The following NOL4L variants were observed in gnomAD, a reference collection of about 807,000 sequenced individuals.
NOL4L encodes the protein nucleolar protein 4-like.
In NOL4L, 7 loss-of-function variants were observed where a neutral mutation model predicts 64.5. That is an observed-to-expected ratio of 0.11 (90% CI 0.06 to 0.20). NOL4L has a LOEUF of 0.20. NOL4L is among the 10% of genes least tolerant of loss of function. NOL4L has a pLI of 1.00. For synonymous variants in NOL4L, 413 were observed against 401.0 expected (o/e 1.03, Z -0.36); for missense variants, 680 against 967.1 (o/e 0.70, Z 3.94).
At chr20:32,483,939 G>A (rs2015924109) in intron 4 of NOL4L, among the ~76,000 whole-genome samples, 1 of 151,416 alleles carries the variant, frequency 6.6e-6, no homozygotes, top group Non-Finnish European at 1.5e-5. Context: ...AGGGGGAAGC[G>A]CTTCGAGGAA....
At chr20:32,477,761 C>T (rs907917046) in intron 4 of NOL4L, among the ~76,000 whole-genome samples, 11 of 152,250 alleles carry the variant, frequency 7.2e-5, no homozygotes, top group African/African-American at 2.2e-4. Flanking sequence ...AGCCACCCCA[C>T]ACACAGCCAG....
chr20:32,461,224 GCGA>G (rs1341842563), intron 5 of NOL4L, among the ~76,000 whole-genome samples: 11 of 152,118 alleles, frequency 7.2e-5, no homozygotes, highest in Non-Finnish European at 1.6e-4. Flanking sequence ...GGCCCTTCCA[GCGA>G]GCCCCTATGG....
At chr20:32,469,269 C>A (rs967595427) in intron 5 of NOL4L, among the ~76,000 whole-genome samples, 5 of 152,154 alleles carry the variant, frequency 3.3e-5, no homozygotes, top group Non-Finnish European at 7.3e-5. Flanking sequence ...GAAAATGAGG[C>A]TCTGGTTACT....
chr20:32,470,209 G>A (rs963573791), intron 5 of NOL4L, among the ~76,000 whole-genome samples: 1 of 152,242 alleles, frequency 6.6e-6, no homozygotes, highest in Non-Finnish European at 1.5e-5. Context: ...CCTTCTGGAG[G>A]CCAGACGGGC....
At chr20:32,561,706 C>T (rs940774176) in intron 1 of NOL4L, among the ~76,000 whole-genome samples, 1 of 152,190 alleles carries the variant, frequency 6.6e-6, no homozygotes, top group Non-Finnish European at 1.5e-5. Flanking sequence ...AGCATGGGCC[C>T]AAATCCCAGC....
rs754842331 is a variant in NOL4L, at chr20:32,456,124, G to A, written c.1113C>T (p.Thr371=). The change falls in exon 6 of 11, where the codon ACC becomes ACT. Residue 371 remains threonine, a synonymous_variant. Transcript: ENST00000621426. ...AGCCCCCAGCCCCACACACCTCGGGGGTGGTCTTCACCCCGTATTTGACGC... is the reference window on the plus strand; with the variant it reads ...AGCCCCCAGCCCCACACACCTCGGGAGTGGTCTTCACCCCGTATTTGACGC... ...RSRVKYGVKT[T]PESPPYSSGS... is the part of the protein sequence containing the mutation. The A allele has an allele frequency of 2.0e-6, 3 of 1,530,022 alleles. No homozygotes were observed. The highest frequency in any genetic ancestry group is 4.8e-5 in the East Asian group (2 of 41,592). 94.8% of individuals were successfully genotyped at this position (1,530,022 alleles called of 1,614,324 possible). A position where few individuals can be genotyped will look rare whatever the true frequency, so the allele number is the denominator to read the frequency against.
chr20:32,464,836 A>G lies in NOL4L; in HGVS notation c.842-8441T>C, dbSNP rs1370614050. 2.4e-6 allele frequency: 1 copy of G among 412,850 alleles called. No individual in the cohort carries two copies. The highest frequency in any genetic ancestry group is 2.1e-5 in the African/African-American group (1 of 48,726). The allele number at this position is 412,850 out of a possible 1,614,324, so 25.6% of individuals were successfully genotyped here. On this transcript the variant is annotated intron_variant, in intron 5 of 10. Coordinates refer to ENST00000621426, the MANE Select transcript of NOL4L (RefSeq NM_001256798.2). This position sits in a 1 kb window ranked among gnomAD's most constrained non-coding sequence, Gnocchi z 5.6. ...ATATATCCAAAATAGTACCATTTCA[A>G]CAAATAATTGATACCGTGTTATCAG...
In NOL4L at chr20:32,584,708, C is replaced by A; in HGVS notation, c.183G>T (p.Gly61=). 1 of 1,548,416 alleles carries A rather than the reference C, an allele frequency of 6.5e-7. No homozygotes were observed. Among genetic ancestry groups the A allele is most frequent in the Non-Finnish European group, 8.7e-7 (1 of 1,145,870 alleles). Residue 61 remains glycine (G), a synonymous_variant, in exon 1 of 11, where the codon GGG becomes GGT. Coordinates refer to ENST00000621426, the MANE Select transcript of NOL4L (RefSeq NM_001256798.2). ...RIAEVLQGGG[G]TGAGSGPAAG... The stretch of plus-strand genomic sequence containing the variant: ...CTGCGGGGCCGCTGCCCGCGCCAGT[C>A]CCGCCGCCGCCCTGCAGGACCTCGG...
intron 1 of NOL4L, chr20:32,581,885 G>GGT (rs372938511): frequency 0.094 from 14,098 of 150,134 alleles, 1,143 homozygotes; most frequent in African/African-American, 0.23. Flanking sequence ...GGGGTGAGGG[G>GGT]GTGTGTGTGT....
chr20:32,447,141 A>G lies in NOL4L; in HGVS notation c.*455T>C, dbSNP rs1397584607. On this transcript the variant is annotated 3_prime_UTR_variant, in exon 11 of 11. Transcript: ENST00000621426. The stretch of plus-strand genomic sequence containing the variant: ...CAGACTAGCAATCTGTACAAACACA[A>G]AAGAATCCATTTTCAGAAAAATAAA... The G allele has an allele frequency of 6.9e-6, 3 of 434,390 alleles. No homozygotes were observed. The Admixed American group carries it at 7.5e-5, about 11-fold the overall frequency. 26.9% of individuals were successfully genotyped at this position (434,390 alleles called of 1,614,324 possible). A position where few individuals can be genotyped will look rare whatever the true frequency, so the allele number is the denominator to read the frequency against.
At chr20:32,476,341 G>A (rs964972664) in intron 4 of NOL4L, among the ~76,000 whole-genome samples, 1 of 152,192 alleles carries the variant, frequency 6.6e-6, no homozygotes, top group Non-Finnish European at 1.5e-5. Context: ...GCTGGCAGGT[G>A]GGGGAAGGTT....
chr20:32,454,648 C>T (rs560006601), intron 6 of NOL4L, among the ~76,000 whole-genome samples: 1 of 152,376 alleles, frequency 6.6e-6, no homozygotes, highest in South Asian at 2.1e-4. Flanking sequence ...GGCTGAGGAC[C>T]ACTGTTGCCT....
chr20:32,511,740 T>C (rs2017415169), intron 3 of NOL4L, among the ~76,000 whole-genome samples: 1 of 152,184 alleles, frequency 6.6e-6, no homozygotes, highest in Admixed American at 6.5e-5. Context: ...ATTCCAGCAC[T>C]TTGGGAGGCC....
chr20:32,547,208 C>T (rs556275425), intron 1 of NOL4L, among the ~76,000 whole-genome samples: 3 of 152,284 alleles, frequency 2.0e-5, no homozygotes, highest in African/African-American at 7.2e-5. Flanking sequence ...AACTGCGGCC[C>T]AGAGAAGAAA....
At position 32,577,986 on chromosome 20, in the gene NOL4L, T is replaced by C. The variant is rs543295171; in HGVS notation, c.321+6584A>G. On this transcript the variant is annotated intron_variant, in intron 1 of 10. Coordinates refer to ENST00000621426, the MANE Select transcript of NOL4L (RefSeq NM_001256798.2). Reference sequence around the variant, plus strand: ...GGGGGCCCTACGTGCATGAAAGCATTAATTTCCACATCACTCCTAGAAGAG... The same window carrying C: ...GGGGGCCCTACGTGCATGAAAGCATCAATTTCCACATCACTCCTAGAAGAG... 1.8e-4 allele frequency among the ~76,000 whole-genome samples: 28 copies of C among 152,242 alleles called. No homozygotes were observed. In the East Asian group the frequency reaches 5.4e-3, roughly 29 times the overall value.
intron 4 of NOL4L, among the ~76,000 whole-genome samples, chr20:32,488,835 C>CTT (rs1413571468): frequency 1.9e-5 from 1 of 54,002 alleles, no homozygotes; most frequent in Non-Finnish European, 3.1e-5. Context: ...CTTTTTCTTT[C>CTT]TTTCTTTCTT....
chr20:32,471,103 G>A (rs889026622), intron 5 of NOL4L, among the ~76,000 whole-genome samples: 2 of 152,214 alleles, frequency 1.3e-5, no homozygotes, highest in Non-Finnish European at 2.9e-5. Context: ...GGGGGCAGAA[G>A]CCTAACTGTG....
chr20:32,488,827 T>TTTTCTTTCTTTCTTTCTTTCTTTCTTTC (rs1175303976), intron 4 of NOL4L, among the ~76,000 whole-genome samples: 3 of 33,148 alleles, frequency 9.1e-5, no homozygotes, highest in Non-Finnish European at 1.6e-4. Context: ...CTTTCTTTCT[T>TTTTCTTTCTTTCTTTCTTTCTTTCTTTC]TTTCTTTCTT....
rs76597289 is a variant in NOL4L at position 32,526,786 on chromosome 20, C to T, written c.477+972G>A. Among the ~76,000 whole-genome samples the T allele has an allele frequency of 8.2e-3, 1,250 of 152,288 alleles. 14 individuals carry two copies. The highest frequency in any genetic ancestry group is 0.027 in the African/African-American group (1,114 of 41,560). ...ACTGTGAAATGGGTCCTCAGTGCCT[C>T]GGTCACAGGACTGCATCAAGGCTTG... On this transcript the variant is annotated intron_variant, in intron 2 of 10. Transcript: ENST00000621426.
Sources: allele counts gnomAD v4.1 joint callset (sites outside exome capture counted in the v4.1 genomes callset), GRCh38; gene constraint gnomAD v4.1.1; non-coding constraint Gnocchi (gnomAD v3.1); transcripts MANE v1.5; gene names NCBI Gene and HGNC (gene_info 2026-07-23, HGNC 2026-07-21).